The following TAF1 variants were observed in gnomAD, a reference collection of about 807,000 sequenced individuals.
TAF1 encodes transcription initiation factor TFIID subunit 1.
TAF1 carries 2 observed loss-of-function variants against 138.5 expected under a neutral mutation model. The ratio of observed to expected loss-of-function variants is 0.01; its 90% CI spans 0.01 to 0.05. The LOEUF is 0.05. Among genes scored for constraint, TAF1 ranks in the 10% least tolerant of loss-of-function variants. The probability of loss-of-function intolerance (pLI) is 1.00; values close to 1 mark genes in which losing one functional copy is unlikely to be tolerated. For missense variants in TAF1, 709 were observed against 1,478.0 expected, an observed-to-expected ratio of 0.48 and a Z score of 8.53; for synonymous variants, 437 against 503.2, an observed-to-expected ratio of 0.87 and a Z score of 1.76.
chrX:71,384,833 C>A, intron 13 of TAF1, 112 bp from the exon 14 acceptor site: 1 of 545,291 alleles, frequency 1.8e-6, no homozygotes, highest in Non-Finnish European at 2.9e-6. Context: ...CACTTCTGGT[C>A]ACAAGCATTT....
intron 32 of TAF1, among the ~76,000 whole-genome samples, chrX:71,431,774 G>A: frequency 9.1e-6 from 1 of 110,094 alleles, no homozygotes; most frequent in Non-Finnish European, 1.9e-5. Context: ...AAATTAGCTG[G>A]GCATGGTGGC....
intron 28 of TAF1, among the ~76,000 whole-genome samples, chrX:71,417,494 C>A (rs1056138521): frequency 9.1e-6 from 1 of 110,344 alleles, no homozygotes; most frequent in Non-Finnish European, 1.9e-5. Context: ...GTAGCTGGGA[C>A]CACAGGTGTG....
rs180783860 is a variant in TAF1 at position 71,431,992 on chromosome X, C to A, written c.4753+7754C>A. ...TAGGAGAGAATAATATACTGCAAACCAAGAGAAGAGGACTTCAAAGAGGGA... is the reference window on the plus strand; with the variant it reads ...TAGGAGAGAATAATATACTGCAAACAAAGAGAAGAGGACTTCAAAGAGGGA... On this transcript the variant is annotated intron_variant, in intron 32 of 37. Transcript: ENST00000423759. Among the ~76,000 whole-genome samples, 203 of 109,264 alleles carry A rather than the reference C, an allele frequency of 1.9e-3. 2 individuals carry two copies. The highest frequency in any genetic ancestry group is 6.5e-3 in the African/African-American group (194 of 30,039). 94.9% of individuals were successfully genotyped at this position (109,264 alleles called of 115,157 possible).
intron 27 of TAF1, 89 bp downstream of exon 27, chrX:71,407,761 A>G: frequency 9.7e-7 from 1 of 1,033,382 alleles, no homozygotes; most frequent in South Asian, 2.1e-5. Flanking sequence ...TAATCTGTAG[A>G]TTTAGGTAAC....
chrX:71,467,296 A>G (rs1404249753), downstream of TAF1, among the ~76,000 whole-genome samples: 1 of 109,605 alleles, frequency 9.1e-6, no homozygotes, highest in Non-Finnish European at 1.9e-5. Flanking sequence ...TGATGACTCA[A>G]CGAGCATGCT....
chrX:71,398,134 T>C (rs1035940990), intron 23 of TAF1, among the ~76,000 whole-genome samples: 1 of 110,714 alleles, frequency 9.0e-6, no homozygotes, highest in Non-Finnish European at 1.9e-5. Flanking sequence ...GGTCAGGAGT[T>C]CGAGACCAGC....
intron 35 of TAF1, chrX:71,459,136 T>C: frequency 9.5e-7 from 1 of 1,050,847 alleles, no homozygotes; most frequent in Non-Finnish European, 1.3e-6. Flanking sequence ...GTGCTATTTG[T>C]GTTCCTTACT....
intron 32 of TAF1, among the ~76,000 whole-genome samples, chrX:71,444,571 T>C (rs1273349813): frequency 9.1e-6 from 1 of 109,910 alleles, no homozygotes; most frequent in Non-Finnish European, 1.9e-5. Context: ...ATTTCTAAAA[T>C]TTGTGTTTGG....
chrX:71,467,767 T>C (rs2038795576), downstream of TAF1, among the ~76,000 whole-genome samples: 1 of 111,904 alleles, frequency 8.9e-6, no homozygotes, highest in Non-Finnish European at 1.9e-5. Flanking sequence ...TTAAGTGACA[T>C]TCGTAACATC....
At chrX:71,530,044 CT>C in exon 15 of TAF1, 2 of 170,612 alleles carry the variant, frequency 1.2e-5, no homozygotes. Context: ...CCTTTTTTAC[CT>C]TTTTCATCTT....
chrX:71,408,248 A>G, intron 28 of TAF1, 97 bp downstream of exon 28: 1 of 979,234 alleles, frequency 1.0e-6, no homozygotes, highest in Non-Finnish European at 1.4e-6. Context: ...AGAGGACTAC[A>G]GTGTATTTGT....
chrX:71,481,355 A>G lies in TAF1; in HGVS notation c.1366+20552A>G, dbSNP rs746071687. On this transcript the variant is annotated intron_variant and NMD_transcript_variant, in intron 13 of 14. Transcript: ENST00000373775. ...CAGATAAAAAGAGTTATTTAATTGT[A>G]CAAATCATGAAGGCATTCCACAGAA... Among the ~76,000 whole-genome samples the G allele has an allele frequency of 1.9e-4, 21 of 112,527 alleles. No homozygotes were observed. In the Admixed American group the frequency reaches 1.9e-3, roughly 10 times the overall value.
intron 9 of TAF1, among the ~76,000 whole-genome samples, 182 bp from the exon 10 acceptor site, chrX:71,382,354 A>C (rs2033945627): frequency 9.3e-6 from 1 of 107,299 alleles, no homozygotes; most frequent in Admixed American, 1.0e-4. Flanking sequence ...ATGAAAAGAT[A>C]CAGGTGTAGT....
At chrX:71,429,291 G>C (rs2148646095) in intron 32 of TAF1, among the ~76,000 whole-genome samples, 1 of 110,256 alleles carries the variant, frequency 9.1e-6, no homozygotes, top group East Asian at 2.8e-4. Flanking sequence ...AAAAGCAGAA[G>C]GAAGCAGGGA....
chrX:71,387,058 C>G lies in TAF1; in HGVS notation c.2227-203C>G, dbSNP rs895855950. 7.1e-6 allele frequency: 3 copies of G among 422,317 alleles called. No individual in the cohort carries two copies. In the African/African-American group the frequency reaches 7.5e-5, roughly 11 times the overall value. The allele number at this position is 422,317 out of a possible 1,213,427, so 34.8% of individuals were successfully genotyped here. On this transcript the variant is annotated intron_variant, in intron 14 of 37. Transcript: ENST00000423759. ...CTGAATTCACATCCTGTATTTTCTC[C>G]CCTACTGACTCTGAAAGATAGTGGA...
chrX:71,508,764 G>A (rs779342497), intron 13 of TAF1, among the ~76,000 whole-genome samples: 8 of 107,673 alleles, frequency 7.4e-5, no homozygotes, highest in African/African-American at 1.7e-4. Context: ...GTGTGTGTGC[G>A]CGCATATGCA....
intron 32 of TAF1, among the ~76,000 whole-genome samples, chrX:71,446,210 C>T (rs1261713607): frequency 9.0e-6 from 1 of 111,240 alleles, no homozygotes; most frequent in Non-Finnish European, 1.9e-5. Flanking sequence ...TGTGCCCGGC[C>T]TAGTTGTTCA....
chrX:71,380,350 A>G (rs780751539), intron 8 of TAF1, among the ~76,000 whole-genome samples: 1 of 111,581 alleles, frequency 9.0e-6, no homozygotes, highest in Non-Finnish European at 1.9e-5. Context: ...CACCCCACCC[A>G]GCCACATAAA....
chrX:71,367,902 C>G (rs2032681750), intron 2 of TAF1, 152 bp from the exon 3 acceptor site: 1 of 596,798 alleles, frequency 1.7e-6, no homozygotes, highest in Admixed American at 3.0e-5. Context: ...AACTCCTGGC[C>G]TGAGGTGATC....
Sources: gnomAD v4.1 joint callset for allele counts (sites outside exome capture counted in the v4.1 genomes callset) on GRCh38, gnomAD v4.1.1 for gene constraint, MANE v1.5 for transcripts, NCBI Gene and HGNC (gene_info 2026-07-23, HGNC 2026-07-21) for gene names.